HIVEP3: variants seen among roughly 807,000 people sequenced by gnomAD.
HIVEP3 encodes transcription factor HIVEP3.
Under a neutral mutation model 152.8 loss-of-function variants are expected in HIVEP3, and 49 were observed. The observed-to-expected ratio is 0.32, with a 90% CI of 0.26 to 0.41. HIVEP3 has a LOEUF of 0.41. Among genes scored for constraint, HIVEP3 ranks in the 10% least tolerant of loss-of-function variants. The pLI, the probability that HIVEP3 is intolerant of heterozygous loss-of-function variation, is 1.00. For synonymous variants in HIVEP3, 1,269 were observed against 1,289.0 expected, an observed-to-expected ratio of 0.98 and a Z score of 0.33; for missense variants, 2,790 against 3,103.3, an observed-to-expected ratio of 0.90 and a Z score of 2.40.
chr1:41,927,922 G>T (rs531056413), intron 1 of HIVEP3, among the ~76,000 whole-genome samples: 1 of 151,892 alleles, frequency 6.6e-6, no homozygotes, highest in South Asian at 2.1e-4. Context: ...TTAGCCAGGC[G>T]TGGTGACGTG....
At chr1:41,657,395 G>A (rs1645644605) in intron 2 of HIVEP3, among the ~76,000 whole-genome samples, 1 of 152,188 alleles carries the variant, frequency 6.6e-6, no homozygotes, top group Admixed American at 6.5e-5. Flanking sequence ...TGGAGCAATG[G>A]TTATGCAATG....
chr1:41,531,322 T>G (rs1455765279), intron 5 of HIVEP3, among the ~76,000 whole-genome samples: 1,227 of 21,836 alleles, frequency 0.056, no homozygotes, highest in Admixed American at 0.073. Context: ...CAGGGGAGAT[T>G]GAGGACATGA....
chr1:41,868,661 C>CA (rs1644026013), intron 1 of HIVEP3, among the ~76,000 whole-genome samples: 2 of 152,196 alleles, frequency 1.3e-5, no homozygotes, highest in Admixed American at 1.3e-4. Flanking sequence ...CTCCCGCACT[C>CA]ACCACAACCA....
At position 41,655,349 on chromosome 1, in the gene HIVEP3, G is replaced by A. The variant is rs147777495; in HGVS notation, c.-720-26402C>T. Among the ~76,000 whole-genome samples, 17 of 152,090 alleles carry A rather than the reference G, an allele frequency of 1.1e-4. No homozygotes were observed. The East Asian group carries it at 2.3e-3, about 21-fold the overall frequency. ...CATAATCCCAGCACTTTGGGAGGCCGAGGTGGGCAGATTACTTGAGGTCAG... is the reference window on the plus strand; with the variant it reads ...CATAATCCCAGCACTTTGGGAGGCCAAGGTGGGCAGATTACTTGAGGTCAG... On this transcript the variant is annotated intron_variant, in intron 2 of 8. Coordinates refer to ENST00000372583, the MANE Select transcript of HIVEP3 (RefSeq NM_024503.5).
At chr1:41,995,642 G>C (rs1210704013) in intron 1 of HIVEP3, among the ~76,000 whole-genome samples, 2 of 152,186 alleles carry the variant, frequency 1.3e-5, no homozygotes, top group Non-Finnish European at 2.9e-5. Flanking sequence ...TGCCTTGTCA[G>C]TTAAAAAAAT....
At chr1:41,522,396 C>T (rs1037609065) in intron 6 of HIVEP3, among the ~76,000 whole-genome samples, 2 of 152,358 alleles carry the variant, frequency 1.3e-5, no homozygotes, top group Admixed American at 6.5e-5. Context: ...CCCATCTGCT[C>T]CCTTCGTTGG....
chr1:41,650,563 G>GT (rs74511211), intron 2 of HIVEP3, among the ~76,000 whole-genome samples: 5,408 of 144,924 alleles, frequency 0.037, 168 homozygotes, highest in Middle Eastern at 0.086. Context: ...TGTTTTCTGG[G>GT]TTTTTTTTTT....
At chr1:41,826,601 G>A (rs1642811299) in intron 1 of HIVEP3, among the ~76,000 whole-genome samples, 1 of 152,194 alleles carries the variant, frequency 6.6e-6, no homozygotes, top group Admixed American at 6.5e-5. Context: ...GGCTTAGGAG[G>A]AATCCCAGGC....
At chr1:41,674,397 C>A (rs1645922802) in intron 2 of HIVEP3, among the ~76,000 whole-genome samples, 1 of 152,242 alleles carries the variant, frequency 6.6e-6, no homozygotes, top group Admixed American at 6.5e-5. Flanking sequence ...TGTTCAGTGG[C>A]ATTCATGCTT....
intron 1 of HIVEP3, among the ~76,000 whole-genome samples, chr1:42,035,407 C>A (rs1428769746): frequency 6.6e-6 from 1 of 152,256 alleles, no homozygotes; most frequent in African/African-American, 2.4e-5. Context: ...ATCTCTCAGA[C>A]GTCAACAAAC....
intron 1 of HIVEP3, among the ~76,000 whole-genome samples, chr1:41,890,257 C>T (rs1450732135): frequency 1.3e-5 from 2 of 152,200 alleles, no homozygotes; most frequent in Non-Finnish European, 2.9e-5. Context: ...GGTGCAGGCT[C>T]TGAGCACAGA....
intron 1 of HIVEP3, among the ~76,000 whole-genome samples, chr1:41,868,731 T>A (rs554623300): frequency 6.6e-6 from 1 of 152,274 alleles, no homozygotes; most frequent in South Asian, 2.1e-4. Flanking sequence ...GAGGTCTGGG[T>A]TTCAAATCCT....
chr1:41,585,007 T>C lies in HIVEP3; in HGVS notation c.-210A>G, dbSNP rs1644483274. 1 of 417,790 alleles carries C rather than the reference T, an allele frequency of 2.4e-6. No homozygotes were observed. Among genetic ancestry groups the C allele is most frequent in the African/African-American group, 2.0e-5 (1 of 48,952 alleles). 25.9% of individuals were successfully genotyped at this position (417,790 alleles called of 1,614,324 possible). A position where few individuals can be genotyped will look rare whatever the true frequency, so the allele number is the denominator to read the frequency against. ...GGTCATCAGGGCCCACGCTATTCTA[T>C]TGGTGAGGCATGGCCCTCTACTTTG... is the stretch of plus-strand genomic sequence containing the variant. On this transcript the variant is annotated 5_prime_UTR_variant, in exon 4 of 9. Transcript: ENST00000372583.
chr1:41,536,492 G>A (rs648178), intron 5 of HIVEP3, among the ~76,000 whole-genome samples: 38,712 of 152,028 alleles, frequency 0.25, 5,184 homozygotes, highest in East Asian at 0.46. Flanking sequence ...CTAAGACCAA[G>A]TGGAGGCTCA....
At chr1:41,961,019 G>C (rs1645166632) in intron 1 of HIVEP3, among the ~76,000 whole-genome samples, 1 of 152,210 alleles carries the variant, frequency 6.6e-6, no homozygotes, top group Admixed American at 6.5e-5. Flanking sequence ...AACCAACAGA[G>C]ATTAGTAGAA....
At chr1:41,986,275 C>T (rs779126144) in intron 1 of HIVEP3, among the ~76,000 whole-genome samples, 1 of 152,130 alleles carries the variant, frequency 6.6e-6, no homozygotes, top group Non-Finnish European at 1.5e-5. Context: ...AAATAAACTG[C>T]TCAGGTTTTT....
intron 2 of HIVEP3, among the ~76,000 whole-genome samples, chr1:41,681,121 T>C (rs1646031934): frequency 6.6e-6 from 1 of 151,712 alleles, no homozygotes; most frequent in African/African-American, 2.4e-5. Context: ...TGTGTGTGTG[T>C]ATAGACAGAG....
chr1:41,562,913 G>A (rs898714530), intron 5 of HIVEP3, among the ~76,000 whole-genome samples: 5 of 151,868 alleles, frequency 3.3e-5, no homozygotes, highest in Admixed American at 6.6e-5. Flanking sequence ...TCCCATCCCC[G>A]CCCCAACTCC....
intron 3 of HIVEP3, among the ~76,000 whole-genome samples, chr1:41,625,157 C>A (rs1381348591): frequency 1.5e-5 from 1 of 65,744 alleles, no homozygotes; most frequent in Non-Finnish European, 2.6e-5. Flanking sequence ...AGCGAGATTC[C>A]AACTCAAAAA....
Sources: allele counts gnomAD v4.1 joint callset (sites outside exome capture counted in the v4.1 genomes callset), GRCh38; gene constraint gnomAD v4.1.1; transcripts MANE v1.5; gene names NCBI Gene and HGNC (gene_info 2026-07-23, HGNC 2026-07-21).